TRHDE: variants seen among roughly 807,000 people sequenced by gnomAD.
TRHDE encodes thyrotropin releasing hormone degrading enzyme.
A neutral mutation model predicts 125.7 loss-of-function variants in TRHDE; 72 were observed. The ratio of observed to expected loss-of-function variants is 0.57; its 90% CI spans 0.47 to 0.70. TRHDE has a LOEUF of 0.70. Ranked by LOEUF, TRHDE falls within the 30% of genes least tolerant of loss-of-function variation. TRHDE has a pLI of 0.00. For missense variants in TRHDE, 1,110 were observed against 1,327.1 expected (o/e 0.84, Z 2.54); for synonymous variants, 509 against 509.1 (o/e 1.00, Z 0.00).
chr12:72,270,153 C>T (rs1253208165), upstream of TRHDE, among the ~76,000 whole-genome samples: 1 of 152,200 alleles, frequency 6.6e-6, no homozygotes, highest in Non-Finnish European at 1.5e-5. Context: ...AACTCCTCAA[C>T]TCTTAAAATG....
At chr12:72,499,112 C>G (rs1878040356) in intron 5 of TRHDE, among the ~76,000 whole-genome samples, 1 of 152,102 alleles carries the variant, frequency 6.6e-6, no homozygotes, top group Non-Finnish European at 1.5e-5. Context: ...TTATATTTAA[C>G]TTACCTAAAA....
chr12:72,115,415 A>G (rs1414447211), intron 2 of TRHDE, among the ~76,000 whole-genome samples: 2 of 152,188 alleles, frequency 1.3e-5, no homozygotes, highest in Admixed American at 6.6e-5. Context: ...TCCATTGCAT[A>G]TAAGTACCAC....
chr12:72,354,638 T>G lies in TRHDE; in HGVS notation c.1189-23357T>G, dbSNP rs540881957. On this transcript the variant is annotated intron_variant, in intron 2 of 18. Transcript: ENST00000261180. The stretch of plus-strand genomic sequence containing the variant: ...CCTTTTCCCAATTTCTTATTTTATA[T>G]TTATAATAATTTTGTAAAATAAATT... Among the ~76,000 whole-genome samples, 16 of 149,978 alleles carry G rather than the reference T, an allele frequency of 1.1e-4. No homozygotes were observed. The South Asian group carries it at 2.9e-3, about 27-fold the overall frequency.
intron 2 of TRHDE, among the ~76,000 whole-genome samples, chr12:72,184,871 G>A (rs541203713): frequency 3.3e-5 from 5 of 152,280 alleles, no homozygotes; most frequent in East Asian, 1.9e-4. Flanking sequence ...AGGTGACAGC[G>A]TGCTGGCAGT....
intron 2 of TRHDE, among the ~76,000 whole-genome samples, chr12:72,110,058 T>C (rs991132169): frequency 1.7e-4 from 26 of 152,208 alleles, no homozygotes; most frequent in African/African-American, 6.3e-4. Context: ...ATCACGTTCC[T>C]AATGCCTCAG....
At chr12:72,427,867 T>C (rs1478978894) in intron 3 of TRHDE, among the ~76,000 whole-genome samples, 1 of 152,120 alleles carries the variant, frequency 6.6e-6, no homozygotes, top group Admixed American at 6.6e-5. Context: ...GACTATTGAT[T>C]TCTAAATCCC....
At chr12:72,562,790 T>G in intron 8 of TRHDE, 63 bp from the exon 9 acceptor site, 1 of 1,057,734 alleles carries the variant, frequency 9.5e-7, no homozygotes, top group Admixed American at 2.7e-5. Context: ...AAAAATGTCT[T>G]AATGTTAATA....
At chr12:72,358,024 A>G (rs1383616970) in intron 2 of TRHDE, among the ~76,000 whole-genome samples, 1 of 151,668 alleles carries the variant, frequency 6.6e-6, no homozygotes, top group African/African-American at 2.4e-5. Flanking sequence ...TTAAAAATTA[A>G]TGAAAAATAA....
intron 2 of TRHDE, among the ~76,000 whole-genome samples, chr12:72,301,428 CA>C (rs2135687265): frequency 6.6e-6 from 1 of 152,176 alleles, no homozygotes; most frequent in African/African-American, 2.4e-5. Context: ...GCAGTGCGAA[CA>C]GTGAGAGAGT....
chr12:72,152,568 C>A (rs1276476954), intron 2 of TRHDE, among the ~76,000 whole-genome samples: 1 of 152,122 alleles, frequency 6.6e-6, no homozygotes, highest in Admixed American at 6.5e-5. Flanking sequence ...TGAGATACGT[C>A]CCATCAATAC....
intron 5 of TRHDE, among the ~76,000 whole-genome samples, chr12:72,482,721 T>C (rs567656732): frequency 6.6e-6 from 1 of 151,988 alleles, no homozygotes; most frequent in Non-Finnish European, 1.5e-5. Flanking sequence ...AGTTTCCTGA[T>C]TAAAGACAAG....
At chr12:72,424,225 G>C (rs1874090796) in intron 3 of TRHDE, among the ~76,000 whole-genome samples, 1 of 152,026 alleles carries the variant, frequency 6.6e-6, no homozygotes, top group African/African-American at 2.4e-5. Flanking sequence ...TTGATACTTG[G>C]TGGTCCTTGG....
intron 9 of TRHDE, among the ~76,000 whole-genome samples, chr12:72,566,013 A>G (rs1870424583): frequency 6.6e-6 from 1 of 152,056 alleles, no homozygotes; most frequent in Non-Finnish European, 1.5e-5. Context: ...TACAACATAG[A>G]GGGCTTTTCA....
intron 3 of TRHDE, among the ~76,000 whole-genome samples, chr12:72,414,446 A>G (rs1873645019): frequency 6.6e-6 from 1 of 152,132 alleles, no homozygotes; most frequent in African/African-American, 2.4e-5. Flanking sequence ...ATAAAGAAAG[A>G]AGGATTAAAA....
chr12:72,582,832 C>T (rs1871293825), intron 12 of TRHDE, among the ~76,000 whole-genome samples: 1 of 152,204 alleles, frequency 6.6e-6, no homozygotes, highest in African/African-American at 2.4e-5. Context: ...CTAGATCCCT[C>T]TAATATCCTG....
At chr12:72,474,479 T>C (rs1876797613) in intron 5 of TRHDE, among the ~76,000 whole-genome samples, 1 of 152,182 alleles carries the variant, frequency 6.6e-6, no homozygotes, top group Admixed American at 6.5e-5. Context: ...TCTCTGCTTC[T>C]GTGAATTTGA....
At chr12:72,490,049 G>A (rs147162818) in intron 5 of TRHDE, among the ~76,000 whole-genome samples, 35 of 151,838 alleles carry the variant, frequency 2.3e-4, no homozygotes, top group African/African-American at 8.4e-4. Flanking sequence ...AAAATAAAAT[G>A]GCAGCCTATG....
intron 12 of TRHDE, among the ~76,000 whole-genome samples, chr12:72,611,684 T>A (rs2136069497): frequency 6.6e-6 from 1 of 152,102 alleles, no homozygotes; most frequent in African/African-American, 2.4e-5. Context: ...GGGAAAAGAG[T>A]GCTGTGTGAA....
At chr12:72,524,810 C>T (rs1868305006) in intron 6 of TRHDE, among the ~76,000 whole-genome samples, 1 of 152,086 alleles carries the variant, frequency 6.6e-6, no homozygotes, top group African/African-American at 2.4e-5. Flanking sequence ...AATAAAGCTT[C>T]TACTATAAGA....
Sources: allele counts gnomAD v4.1 joint callset (sites outside exome capture counted in the v4.1 genomes callset), GRCh38; gene constraint gnomAD v4.1.1; transcripts MANE v1.5; gene names NCBI Gene and HGNC (gene_info 2026-07-23, HGNC 2026-07-21).